SAMMSON: variants seen among roughly 807,000 people sequenced by gnomAD.
SAMMSON encodes the protein survival associated mitochondrial melanoma specific oncogenic non-coding RNA, also known as long intergenic non-protein coding RNA 1212.
At chr3:70,102,503 A>G (rs1476413420) in intron 4 of SAMMSON, among the ~76,000 whole-genome samples, 1 of 152,204 alleles carries the variant, frequency 6.6e-6, no homozygotes, top group Admixed American at 6.6e-5. Flanking sequence ...TGGAAAGACC[A>G]TTGGAGGAGC....
At chr3:70,399,593 T>C (rs1575641386) in intron 2 of SAMMSON, among the ~76,000 whole-genome samples, 1 of 152,082 alleles carries the variant, frequency 6.6e-6, no homozygotes, top group Admixed American at 6.5e-5. Context: ...GGGCCAGACA[T>C]GGTGGCTCAT....
At chr3:70,218,834 C>G (rs1293610613) in intron 4 of SAMMSON, among the ~76,000 whole-genome samples, 2 of 152,134 alleles carry the variant, frequency 1.3e-5, no homozygotes, top group Non-Finnish European at 2.9e-5. Context: ...CTACAGTTTG[C>G]TCTTTGTCCA....
chr3:70,406,524 C>A (rs890030984), intron 2 of SAMMSON, among the ~76,000 whole-genome samples: 4 of 151,972 alleles, frequency 2.6e-5, no homozygotes, highest in African/African-American at 9.7e-5. Context: ...GTAAAAATAG[C>A]AACCATATAT....
chr3:70,025,901 T>C (rs1235806290), intron 3 of SAMMSON, among the ~76,000 whole-genome samples: 1 of 152,176 alleles, frequency 6.6e-6, no homozygotes, highest in East Asian at 1.9e-4. Context: ...TGAATCATCA[T>C]ATGGTCTTCA....
chr3:70,099,820 A>C (rs777432355), intron 4 of SAMMSON, among the ~76,000 whole-genome samples: 43 of 152,214 alleles, frequency 2.8e-4, no homozygotes, highest in Non-Finnish European at 3.4e-4. Flanking sequence ...TTACTTTTTC[A>C]TAACCCAATA....
intron 7 of SAMMSON, among the ~76,000 whole-genome samples, chr3:70,339,035 T>G (rs1041094612): frequency 2.6e-5 from 4 of 152,156 alleles, no homozygotes; most frequent in Non-Finnish European, 5.9e-5. Context: ...AACAGCATGC[T>G]ACTGGTACCA....
chr3:70,118,594 C>A (rs1381778794), intron 4 of SAMMSON, among the ~76,000 whole-genome samples: 2 of 152,162 alleles, frequency 1.3e-5, no homozygotes, highest in African/African-American at 2.4e-5. Context: ...GCATTCTGTT[C>A]TGTAAAACAG....
intron 4 of SAMMSON, among the ~76,000 whole-genome samples, chr3:70,102,696 A>C (rs2067350641): frequency 6.6e-6 from 1 of 152,196 alleles, no homozygotes; most frequent in Admixed American, 6.5e-5. Flanking sequence ...ATGAGCTTAG[A>C]GAGTCAGCTC....
intron 7 of SAMMSON, among the ~76,000 whole-genome samples, chr3:70,328,828 T>A (rs1209756449): frequency 6.6e-6 from 1 of 152,000 alleles, no homozygotes; most frequent in East Asian, 1.9e-4. Context: ...AGAAGCTCAA[T>A]GAAATGCAAG....
intron 7 of SAMMSON, among the ~76,000 whole-genome samples, chr3:70,292,822 G>C (rs1702251511): frequency 6.6e-6 from 1 of 151,808 alleles, no homozygotes; most frequent in African/African-American, 2.4e-5. Context: ...AAAAATTGCA[G>C]TTTTGTTCAA....
chr3:70,049,837 A>G (rs1193768170), intron 3 of SAMMSON, among the ~76,000 whole-genome samples: 2 of 152,108 alleles, frequency 1.3e-5, no homozygotes, highest in East Asian at 3.9e-4. Flanking sequence ...TCTCATAGAA[A>G]TATATATTAC....
chr3:70,224,991 T>C (rs1701490214), intron 4 of SAMMSON, among the ~76,000 whole-genome samples: 1 of 152,154 alleles, frequency 6.6e-6, no homozygotes, highest in African/African-American at 2.4e-5. Context: ...ATAGGTGACA[T>C]GACAATGTTG....
At chr3:70,371,896 A>T (rs888363438) in intron 9 of SAMMSON, among the ~76,000 whole-genome samples, 3 of 152,176 alleles carry the variant, frequency 2.0e-5, no homozygotes, top group Middle Eastern at 3.4e-3. Context: ...GAAAGTGGGC[A>T]TTCTTGTTTT....
At chr3:70,029,235 CATA>C (rs1200975373) in intron 3 of SAMMSON, among the ~76,000 whole-genome samples, 3 of 114,742 alleles carry the variant, frequency 2.6e-5, no homozygotes, top group African/African-American at 1.3e-4. Context: ...CAGACACATA[CATA>C]ATAATAAGAG....
At chr3:70,365,177 G>T (rs1179738829) in intron 9 of SAMMSON, among the ~76,000 whole-genome samples, 1 of 151,606 alleles carries the variant, frequency 6.6e-6, no homozygotes, top group Non-Finnish European at 1.5e-5. Context: ...ATCATAAAAT[G>T]CTCCATGCTT....
At chr3:70,392,113 C>T (rs1246611348), downstream of SAMMSON, among the ~76,000 whole-genome samples, 2 of 152,040 alleles carry the variant, frequency 1.3e-5, no homozygotes, top group Non-Finnish European at 2.9e-5. Flanking sequence ...GTTCTTTGAC[C>T]TTCTTTTTTC....
chr3:70,217,745 A>C (rs1366725172), intron 4 of SAMMSON, among the ~76,000 whole-genome samples: 2 of 152,122 alleles, frequency 1.3e-5, no homozygotes, highest in African/African-American at 4.8e-5. Context: ...TGTATTTATA[A>C]ATCAGTAAAT....
chr3:70,319,978 T>A (rs566673076), intron 7 of SAMMSON, among the ~76,000 whole-genome samples: 1 of 152,134 alleles, frequency 6.6e-6, no homozygotes, highest in African/African-American at 2.4e-5. Flanking sequence ...ATTTCAAGAC[T>A]TATAGAAAAT....
chr3:70,419,757 G>T (rs1053155223), intron 2 of SAMMSON, among the ~76,000 whole-genome samples: 1 of 152,128 alleles, frequency 6.6e-6, no homozygotes, highest in African/African-American at 2.4e-5. Flanking sequence ...TCCTGCCTCA[G>T]CCTCCCGAGT....
Sources: gnomAD v4.1 joint callset for allele counts (sites outside exome capture counted in the v4.1 genomes callset) on GRCh38, gnomAD v4.1.1 for gene constraint, MANE v1.5 for transcripts, NCBI Gene and HGNC (gene_info 2026-07-23, HGNC 2026-07-21) for gene names.